The following PI4KA variants were observed in gnomAD, a reference collection of about 807,000 sequenced individuals.
PI4KA encodes the protein PI4-kinase alpha.
In PI4KA, 122 loss-of-function variants were observed where a neutral mutation model predicts 271.4. The observed-to-expected ratio is 0.45, with a 90% confidence interval of 0.39 to 0.52. The LOEUF (loss-of-function observed/expected upper bound fraction) is 0.52. Ranked by LOEUF, PI4KA falls within the 20% of genes least tolerant of loss-of-function variation. The probability of loss-of-function intolerance (pLI) is 0.00; values close to 1 mark genes in which losing one functional copy is unlikely to be tolerated. For missense variants in PI4KA, 1,969 were observed against 2,769.1 expected, an observed-to-expected ratio of 0.71 and a Z score of 6.48; for synonymous variants, 1,041 against 1,078.8, an observed-to-expected ratio of 0.96 and a Z score of 0.69.
chr22:20,858,356 C>A (rs1569109316), intron 1 of PI4KA, among the ~76,000 whole-genome samples: 1 of 151,556 alleles, frequency 6.6e-6, no homozygotes, highest in Non-Finnish European at 1.5e-5. Flanking sequence ...GCCCTGCAGG[C>A]CCCGCCGACC....
chr22:20,722,628 AT>A (rs1384080387), intron 42 of PI4KA, among the ~76,000 whole-genome samples: 1 of 152,056 alleles, frequency 6.6e-6, no homozygotes, highest in Non-Finnish European at 1.5e-5. Context: ...AATTAAAAAA[AT>A]TTTTTTTGTT....
chr22:20,750,972 C>T lies in PI4KA; in HGVS notation c.3153+321G>A, dbSNP rs117690800. On this transcript the variant is annotated intron_variant, in intron 27 of 54. Transcript: ENST00000255882. ...AGTCCACCTGAAAATCATGCTTGTGCGACGCAGACTCGAGAGGCTATAAAC... is the reference window on the plus strand; with the variant it reads ...AGTCCACCTGAAAATCATGCTTGTGTGACGCAGACTCGAGAGGCTATAAAC... Among the ~76,000 whole-genome samples the T allele has an allele frequency of 2.3e-3, 357 of 152,292 alleles. 5 individuals carry two copies. In the East Asian group the frequency reaches 0.055, roughly 23 times the overall value.
At chr22:20,812,194 G>A (rs1212197510) in intron 8 of PI4KA, among the ~76,000 whole-genome samples, 1 of 152,138 alleles carries the variant, frequency 6.6e-6, no homozygotes, top group African/African-American at 2.4e-5. Flanking sequence ...CATTCTATCT[G>A]GGGCACTGAC....
intron 29 of PI4KA, among the ~76,000 whole-genome samples, chr22:20,745,289 CAG>C (rs1261573215): frequency 6.6e-6 from 1 of 152,228 alleles, no homozygotes; most frequent in Non-Finnish European, 1.5e-5. Flanking sequence ...CTCAGCCTCC[CAG>C]CCCCAGGGCC....
chr22:20,812,472 G>A (rs1921175588), intron 8 of PI4KA, among the ~76,000 whole-genome samples: 1 of 152,120 alleles, frequency 6.6e-6, no homozygotes, highest in Non-Finnish European at 1.5e-5. Context: ...GTCTGGCCTT[G>A]ATGACATCAT....
At chr22:20,793,834 G>A (rs1934801744) in intron 18 of PI4KA, among the ~76,000 whole-genome samples, 1 of 152,254 alleles carries the variant, frequency 6.6e-6, no homozygotes, top group Non-Finnish European at 1.5e-5. Context: ...ACACACAAAT[G>A]TAGCTAATCT....
intron 1 of PI4KA, 79 bp downstream of exon 1, chr22:20,858,491 C>T: frequency 1.8e-6 from 2 of 1,091,590 alleles, no homozygotes; most frequent in Non-Finnish European, 2.4e-6. Flanking sequence ...CGGCCTCCCA[C>T]AGACCCTCGT....
intron 22 of PI4KA, 138 bp downstream of exon 22, chr22:20,764,679 G>T: frequency 1.2e-6 from 1 of 813,916 alleles, no homozygotes; most frequent in Non-Finnish European, 1.9e-6. Context: ...AAAAGTAGAG[G>T]GTGTTTTTGC....
intron 36 of PI4KA, among the ~76,000 whole-genome samples, chr22:20,730,256 T>G (rs1237334577): frequency 6.8e-6 from 1 of 146,220 alleles, no homozygotes; most frequent in Non-Finnish European, 1.5e-5. Context: ...TTTTAACCTT[T>G]TCAAAATTTA....
intron 19 of PI4KA, chr22:20,786,213 A>C: frequency 6.3e-7 from 1 of 1,576,844 alleles, no homozygotes. Flanking sequence ...CCCCACCTCC[A>C]CTTGCCCTTC....
At chr22:20,784,205 C>A (rs926680461) in intron 19 of PI4KA, 3 of 1,614,182 alleles carry the variant, frequency 1.9e-6, no homozygotes, top group Non-Finnish European at 1.7e-6. Flanking sequence ...GCAACTGACA[C>A]CCCGGGTGGT....
intron 3 of PI4KA, among the ~76,000 whole-genome samples, chr22:20,830,319 G>A (rs923451114): frequency 1.1e-4 from 16 of 150,158 alleles, no homozygotes; most frequent in African/African-American, 3.2e-4. Flanking sequence ...GGTTGCTTCC[G>A]TGTTCGATAT....
At chr22:20,796,465 T>C (rs1934994264) in intron 17 of PI4KA, 151 bp from the exon 18 acceptor site, 1 of 653,676 alleles carries the variant, frequency 1.5e-6, no homozygotes, top group Non-Finnish European at 2.6e-6. Context: ...AACTCTCAAG[T>C]GGAGAAGAAC....
At position 20,718,937 on chromosome 22, in the gene PI4KA, C is replaced by T. The variant is rs538750028; in HGVS notation, c.5117-115G>A. 6.5e-6 allele frequency: 7 copies of T among 1,082,200 alleles called. No individual in the cohort carries two copies. The East Asian group carries it at 1.5e-4, about 24-fold the overall frequency. 67.0% of individuals were successfully genotyped at this position (1,082,200 alleles called of 1,614,324 possible). ...CAGTGCCCAGAGTATGCTCTGCAGG[C>T]TTGGTGAGACCATAACAGCTGCCGT... On this transcript the variant is annotated intron_variant, in intron 43 of 54. Coordinates refer to ENST00000255882, the MANE Select transcript of PI4KA (RefSeq NM_058004.4).
intron 19 of PI4KA, among the ~76,000 whole-genome samples, chr22:20,775,953 G>A (rs1232786336): frequency 6.6e-6 from 1 of 152,206 alleles, no homozygotes; most frequent in African/African-American, 2.4e-5. Flanking sequence ...AAAATGCTGG[G>A]AGGATGAAGC....
At chr22:20,790,660 C>CAAAAAT (rs1255663756) in intron 19 of PI4KA, among the ~76,000 whole-genome samples, 16 of 146,568 alleles carry the variant, frequency 1.1e-4, no homozygotes, top group Admixed American at 2.1e-4. Context: ...GACTCTGTCT[C>CAAAAAT]AAAAATAAAA....
chr22:20,819,306 T>G (rs1029347508), intron 6 of PI4KA, among the ~76,000 whole-genome samples: 3 of 147,764 alleles, frequency 2.0e-5, no homozygotes, highest in African/African-American at 4.9e-5. Context: ...AAGGAGTGGT[T>G]TTTTTTTTTT....
chr22:20,752,227 C>T (rs1305242016), intron 25 of PI4KA, among the ~76,000 whole-genome samples: 1 of 152,202 alleles, frequency 6.6e-6, no homozygotes, highest in Non-Finnish European at 1.5e-5. Flanking sequence ...CTCAGGAAGC[C>T]CAGCTCAGAC....
At chr22:20,726,763 C>A (rs898608350) in intron 41 of PI4KA, among the ~76,000 whole-genome samples, 1 of 152,222 alleles carries the variant, frequency 6.6e-6, no homozygotes, top group Admixed American at 6.5e-5. Context: ...GGGCCTCGTG[C>A]TCCTCACTAG....
Sources: gnomAD v4.1 joint callset for allele counts (sites outside exome capture counted in the v4.1 genomes callset) on GRCh38, gnomAD v4.1.1 for gene constraint, MANE v1.5 for transcripts, NCBI Gene and HGNC (gene_info 2026-07-23, HGNC 2026-07-21) for gene names.